Variants in CTNNB1 observed in about 807,000 individuals in gnomAD.
CTNNB1 encodes catenin beta 1.
In CTNNB1, 6 loss-of-function variants were observed where a neutral mutation model predicts 82.5. The observed-to-expected ratio is 0.07, with a 90% confidence interval of 0.04 to 0.14. CTNNB1 has a LOEUF of 0.14. Among genes scored for constraint, CTNNB1 ranks in the 10% least tolerant of loss-of-function variants. The pLI, the probability that CTNNB1 is intolerant of heterozygous loss-of-function variation, is 1.00. For synonymous variants in CTNNB1, 312 were observed against 329.7 expected (o/e 0.95, Z 0.58); for missense variants, 529 against 980.4 (o/e 0.54, Z 6.15).
At chr3:41,220,552 AT>A (rs1361641492) in intron 1 of CTNNB1, 3 of 152,094 alleles carry the variant, frequency 2.0e-5, no homozygotes, top group Admixed American at 6.6e-5. Flanking sequence ...CATTTTCTAG[AT>A]GGCAAAGTAT....
Position 41,236,167 on chromosome 3 carries a change from A to T in CTNNB1, c.1804-182A>T, listed in dbSNP as rs1027732294. On this transcript the variant is annotated intron_variant, in intron 11 of 14. Transcript: ENST00000349496. Reference sequence around the variant, plus strand: ...TGAAGAAAGGGTTTATAGCTAAAAAATATTATGGAAATCCAGTGCTCCAGA... The same window carrying T: ...TGAAGAAAGGGTTTATAGCTAAAAATTATTATGGAAATCCAGTGCTCCAGA... 3.6e-6 allele frequency: 3 copies of T among 842,466 alleles called. No individual in the cohort carries two copies. In the East Asian group the frequency reaches 7.3e-5, roughly 20 times the overall value. 52.2% of individuals were successfully genotyped at this position (842,466 alleles called of 1,614,324 possible). A position where few individuals can be genotyped will look rare whatever the true frequency, so the allele number is the denominator to read the frequency against.
At chr3:41,229,720 G>C (rs1181992291) in intron 7 of CTNNB1, among the ~76,000 whole-genome samples, 1 of 152,028 alleles carries the variant, frequency 6.6e-6, no homozygotes, top group Non-Finnish European at 1.5e-5. Context: ...CTGATATTCT[G>C]TATTCTCAGT....
intron 1 of CTNNB1, among the ~76,000 whole-genome samples, chr3:41,207,222 C>T (rs938177310): frequency 7.2e-5 from 11 of 152,020 alleles, no homozygotes; most frequent in African/African-American, 2.2e-4. Flanking sequence ...CAGGGGTCAC[C>T]GTTGAGGCAG....
chr3:41,217,708 A>T (rs1303299458), intron 1 of CTNNB1, among the ~76,000 whole-genome samples: 3 of 152,190 alleles, frequency 2.0e-5, no homozygotes, highest in Non-Finnish European at 4.4e-5. Context: ...AGCAGTAGAT[A>T]TTATCAATCT....
chr3:41,239,093 C>A (rs2078510684), intron 14 of CTNNB1, 41 bp from the exon 15 acceptor site: 3 of 1,540,828 alleles, frequency 1.9e-6, no homozygotes, highest in Non-Finnish European at 2.7e-6. Context: ...TCTCTTTTGC[C>A]TTCCTTCTTG....
intron 1 of CTNNB1, chr3:41,220,425 C>G (rs1309932305): frequency 7.8e-6 from 1 of 127,732 alleles, no homozygotes; most frequent in African/African-American, 2.9e-5. Context: ...CCCCACCCCC[C>G]TCCCCGAAGA....
intron 1 of CTNNB1, among the ~76,000 whole-genome samples, chr3:41,201,247 C>G (rs1465040596): frequency 6.6e-6 from 1 of 152,126 alleles, no homozygotes; most frequent in African/African-American, 2.4e-5. Flanking sequence ...TTATTCTCTG[C>G]TTAAATTATT....
chr3:41,215,976 C>G (rs1035073362), intron 1 of CTNNB1, among the ~76,000 whole-genome samples: 3 of 152,062 alleles, frequency 2.0e-5, no homozygotes, highest in African/African-American at 7.2e-5. Flanking sequence ...CCCTGTCTTT[C>G]ATTTATCTGC....
intron 13 of CTNNB1, chr3:41,237,390 T>A (rs1455471361): frequency 6.8e-6 from 1 of 147,424 alleles, no homozygotes; most frequent in Non-Finnish European, 1.5e-5. Context: ...GGCAGGAGGA[T>A]TGCTTGAACC....
chr3:41,217,842 AT>A (rs1012950272), intron 1 of CTNNB1, among the ~76,000 whole-genome samples: 21 of 152,110 alleles, frequency 1.4e-4, no homozygotes, highest in African/African-American at 4.6e-4. Context: ...CTGCAGTATG[AT>A]TCTTTCTTTT....
Position 41,204,544 on chromosome 3 carries a change from A to G in CTNNB1, c.-49+4874A>G, listed in dbSNP as rs1335193799. ...AGGTATTGGGTAAATGGGACCATGC[A>G]GACTATTAAAAATTGAAGTGCACAT... On this transcript the variant is annotated intron_variant, in intron 1 of 14. Transcript: ENST00000349496. Among the ~76,000 whole-genome samples the G allele has an allele frequency of 2.0e-5, 3 of 152,336 alleles. No individual in the cohort carries two copies. The East Asian group carries it at 5.8e-4, about 29-fold the overall frequency.
intron 1 of CTNNB1, among the ~76,000 whole-genome samples, chr3:41,204,097 T>TG (rs2077594207): frequency 6.6e-6 from 1 of 152,032 alleles, no homozygotes; most frequent in Non-Finnish European, 1.5e-5. Flanking sequence ...GTTAGGGTTT[T>TG]TTTTTTTTTA....
intron 11 of CTNNB1, 39 bp downstream of exon 11, chr3:41,235,882 A>C: frequency 6.2e-7 from 1 of 1,612,404 alleles, no homozygotes; most frequent in Non-Finnish European, 8.5e-7. Context: ...TTATGTCCAT[A>C]AAATTTCCAG....
chr3:41,236,173 T>C (rs952149019), intron 11 of CTNNB1, 176 bp from the exon 12 acceptor site: 139 of 854,574 alleles, frequency 1.6e-4, no homozygotes, highest in Non-Finnish European at 2.5e-4. Flanking sequence ...AAAAATATTA[T>C]GGAAATCCAG....
At chr3:41,210,298 C>G (rs2077749319) in intron 1 of CTNNB1, among the ~76,000 whole-genome samples, 1 of 151,888 alleles carries the variant, frequency 6.6e-6, no homozygotes, top group South Asian at 2.1e-4. Context: ...ACTAAAAATA[C>G]AAAAAATTAG....
rs1455292292 is a variant in CTNNB1 at position 41,214,917 on chromosome 3, C to CACTGCAAT, written c.-48-9102_-48-9095dup. Among the ~76,000 whole-genome samples the CACTGCAAT allele has an allele frequency of 3.3e-5, 5 of 152,170 alleles. No individual in the cohort carries two copies. The East Asian group carries it at 9.6e-4, about 29-fold the overall frequency. ...AGTGTGCATATTCTCTGGCTGTTTT[C>CACTGCAAT]ACTGCAATAGCAGAGTTGAGTAGTT... is the stretch of plus-strand genomic sequence containing the variant. On this transcript the variant is annotated intron_variant, in intron 1 of 14. Coordinates refer to ENST00000349496, the MANE Select transcript of CTNNB1 (RefSeq NM_001904.4).
At chr3:41,223,613 G>A (rs1212994645) in intron 1 of CTNNB1, among the ~76,000 whole-genome samples, 2 of 152,108 alleles carry the variant, frequency 1.3e-5, no homozygotes, top group Admixed American at 6.5e-5. Context: ...CTGTACCTCT[G>A]TTATCCAAAG....
chr3:41,235,257 A>AGAGT (rs748399391), intron 10 of CTNNB1: 3 of 209,844 alleles, frequency 1.4e-5, no homozygotes, highest in Non-Finnish European at 2.9e-5. Flanking sequence ...TAGTCTTGGA[A>AGAGT]GAGTGAGGAG....
At chr3:41,221,941 T>A (rs1349147778) in intron 1 of CTNNB1, 2 of 152,230 alleles carry the variant, frequency 1.3e-5, no homozygotes, top group Admixed American at 1.3e-4. Flanking sequence ...AATTTTAGTT[T>A]CTATTCAACT....
Sources: gnomAD v4.1 joint callset for allele counts (sites outside exome capture counted in the v4.1 genomes callset) on GRCh38, gnomAD v4.1.1 for gene constraint, MANE v1.5 for transcripts, NCBI Gene and HGNC (gene_info 2026-07-23, HGNC 2026-07-21) for gene names.